PTPRD: variants seen among roughly 807,000 people sequenced by gnomAD.
The protein encoded by PTPRD is protein tyrosine phosphatase receptor type D.
A neutral mutation model predicts 214.5 loss-of-function variants in PTPRD; 34 were observed. The observed-to-expected ratio is 0.16, with a 90% CI of 0.12 to 0.21. The LOEUF is 0.21. Ranked by LOEUF, PTPRD falls within the 10% of genes least tolerant of loss-of-function variation. The pLI, the probability that PTPRD is intolerant of heterozygous loss-of-function variation, is 1.00. For synonymous variants in PTPRD, 1,128 were observed against 845.7 expected, an observed-to-expected ratio of 1.33 and a Z score of -5.79; for missense variants, 2,545 against 2,398.7, an observed-to-expected ratio of 1.06 and a Z score of -1.27.
At chr9:8,405,377 C>T (rs1343945910) in intron 35 of PTPRD, among the ~76,000 whole-genome samples, 1 of 151,480 alleles carries the variant, frequency 6.6e-6, no homozygotes, top group Non-Finnish European at 1.5e-5. Context: ...GCTTTTTATT[C>T]TTGATTTTAA....
intron 43 of PTPRD, among the ~76,000 whole-genome samples, chr9:8,333,347 T>C (rs1277646804): frequency 4.6e-5 from 7 of 152,172 alleles, no homozygotes. Context: ...AGAGGTCATG[T>C]GTGCAAATAC....
At chr9:10,157,389 A>C (rs116435487) in intron 3 of PTPRD, among the ~76,000 whole-genome samples, 2,114 of 152,220 alleles carry the variant, frequency 0.014, 47 homozygotes, top group African/African-American at 0.047. Flanking sequence ...TTTGCTTATA[A>C]AGCTGAGTTT....
intron 6 of PTPRD, among the ~76,000 whole-genome samples, chr9:9,765,490 A>C (rs2098699208): frequency 6.6e-6 from 1 of 152,186 alleles, no homozygotes; most frequent in African/African-American, 2.4e-5. Context: ...ACAGTGACTC[A>C]TCAAGTCATG....
chr9:9,045,652 G>C (rs931087187), intron 10 of PTPRD, among the ~76,000 whole-genome samples: 4 of 152,090 alleles, frequency 2.6e-5, no homozygotes, highest in Non-Finnish European at 5.9e-5. Context: ...TTTTCTGCCT[G>C]ACTAAGCTTA....
In PTPRD at chr9:9,192,289, CA is replaced by C. The variant is rs201057345; in HGVS notation, c.-202-8927del. On this transcript the variant is annotated intron_variant, in intron 9 of 45. Coordinates refer to ENST00000381196, the MANE Select transcript of PTPRD (RefSeq NM_002839.4). ...AGAAAGCAGGAGTGCAGTTCTCACA[CA>C]AAAAAAATAAACTTGAGAGCTGAAA... is the stretch of plus-strand genomic sequence containing the variant. Among the ~76,000 whole-genome samples, 3 of 151,512 alleles carry C rather than the reference CA, an allele frequency of 2.0e-5. No homozygotes were observed. The East Asian group carries it at 5.8e-4, about 29-fold the overall frequency.
At chr9:9,408,213 G>C (rs1228627742) in intron 8 of PTPRD, among the ~76,000 whole-genome samples, 1 of 151,766 alleles carries the variant, frequency 6.6e-6, no homozygotes, top group Non-Finnish European at 1.5e-5. Flanking sequence ...TAAACATTCT[G>C]ACAGCAAAGG....
chr9:8,357,628 A>G (rs2077302395), intron 39 of PTPRD, among the ~76,000 whole-genome samples: 1 of 152,174 alleles, frequency 6.6e-6, no homozygotes, highest in Non-Finnish European at 1.5e-5. Flanking sequence ...AACCCACTCA[A>G]GGAAAATGAA....
chr9:9,836,304 T>C (rs373817913), intron 5 of PTPRD, among the ~76,000 whole-genome samples: 43 of 152,266 alleles, frequency 2.8e-4, no homozygotes, highest in African/African-American at 1.0e-3. Context: ...AAACTTTTAA[T>C]ATCATGTAGA....
intron 4 of PTPRD, among the ~76,000 whole-genome samples, chr9:9,940,696 A>C (rs1315502434): frequency 6.6e-6 from 1 of 152,154 alleles, no homozygotes; most frequent in Non-Finnish European, 1.5e-5. Flanking sequence ...ACAAACACAT[A>C]TATGCTCCAG....
At position 8,474,141 on chromosome 9, in the gene PTPRD, C is replaced by T. The variant is rs148063103; in HGVS notation, c.3414-3056G>A. On this transcript the variant is annotated intron_variant, in intron 30 of 45. Transcript: ENST00000381196. ...TCAGGGTTTGGGGTTTCTTTCCTGGCTTCCCATCGCTTCCTGCAGGTATTT... is the reference window on the plus strand; with the variant it reads ...TCAGGGTTTGGGGTTTCTTTCCTGGTTTCCCATCGCTTCCTGCAGGTATTT... Among the ~76,000 whole-genome samples, 8 of 152,240 alleles carry T rather than the reference C, an allele frequency of 5.3e-5. No homozygotes were observed. The East Asian group carries it at 1.5e-3, about 29-fold the overall frequency.
chr9:9,339,978 T>A (rs1348778170), intron 9 of PTPRD, among the ~76,000 whole-genome samples: 3 of 152,144 alleles, frequency 2.0e-5, no homozygotes, highest in African/African-American at 4.8e-5. Flanking sequence ...CAAACATACT[T>A]TAATTGGGTA....
At chr9:8,700,417 T>G (rs2098049184) in intron 12 of PTPRD, among the ~76,000 whole-genome samples, 2 of 152,262 alleles carry the variant, frequency 1.3e-5, no homozygotes, top group Non-Finnish European at 2.9e-5. Flanking sequence ...TCATTTCTAC[T>G]ATTGAATATC....
At chr9:8,420,818 T>TAAAA (rs372270704) in intron 35 of PTPRD, among the ~76,000 whole-genome samples, 2 of 147,390 alleles carry the variant, frequency 1.4e-5, no homozygotes, top group African/African-American at 2.5e-5. Context: ...TTTTTTTTTT[T>TAAAA]AAAAAAAGAA....
intron 11 of PTPRD, among the ~76,000 whole-genome samples, chr9:8,843,137 A>T (rs2097595472): frequency 6.6e-6 from 1 of 152,238 alleles, no homozygotes; most frequent in Non-Finnish European, 1.5e-5. Context: ...TCACTTGGAA[A>T]GCAACAGAAA....
chr9:10,522,175 A>G (rs2052558860), intron 2 of PTPRD, among the ~76,000 whole-genome samples: 1 of 152,162 alleles, frequency 6.6e-6, no homozygotes, highest in Admixed American at 6.6e-5. Context: ...GCTACTCCAT[A>G]GGCAGTGGAT....
chr9:9,158,905 TA>T (rs2099883749), intron 10 of PTPRD, among the ~76,000 whole-genome samples: 1 of 152,164 alleles, frequency 6.6e-6, no homozygotes, highest in African/African-American at 2.4e-5. Flanking sequence ...TGGTTCAACA[TA>T]ATGCAAATCA....
intron 10 of PTPRD, among the ~76,000 whole-genome samples, chr9:9,139,101 C>A (rs1236488592): frequency 3.3e-5 from 5 of 151,514 alleles, no homozygotes; most frequent in Admixed American, 2.0e-4. Context: ...AGCCCCCCTC[C>A]CCCCCGCCCC....
chr9:9,141,486 C>T (rs1424794061), intron 10 of PTPRD, among the ~76,000 whole-genome samples: 1 of 151,854 alleles, frequency 6.6e-6, no homozygotes, highest in South Asian at 2.1e-4. Flanking sequence ...AAGTAATAAG[C>T]CACAAAGTAG....
chr9:8,329,565 C>T (rs1367608027), intron 44 of PTPRD, among the ~76,000 whole-genome samples: 1 of 152,164 alleles, frequency 6.6e-6, no homozygotes, highest in African/African-American at 2.4e-5. Flanking sequence ...ATGCTGCGCT[C>T]ATCAGAGCTG....
Sources: allele counts gnomAD v4.1 joint callset (sites outside exome capture counted in the v4.1 genomes callset), GRCh38; gene constraint gnomAD v4.1.1; transcripts MANE v1.5; gene names NCBI Gene and HGNC (gene_info 2026-07-23, HGNC 2026-07-21).